The following CFAP36 variants were observed in gnomAD, a reference collection of about 807,000 sequenced individuals.
CFAP36 encodes cilia- and flagella-associated protein 36.
In CFAP36, 37 loss-of-function variants were observed where a neutral mutation model predicts 50.5. That is an observed-to-expected ratio of 0.73 (90% confidence interval 0.56 to 0.96). The LOEUF is 0.96. CFAP36 is among the 50% of genes least tolerant of loss of function. The pLI, the probability that CFAP36 is intolerant of heterozygous loss-of-function variation, is 0.00. For missense variants in CFAP36, 407 were observed against 396.2 expected (o/e 1.03, Z -0.23); for synonymous variants, 138 against 128.2 (o/e 1.08, Z -0.52).
Position 55,537,517 on chromosome 2 carries a change from A to G in CFAP36, c.572A>G (p.His191Arg). 6.2e-7 allele frequency: 1 copy of G among 1,613,714 alleles called. No individual in the cohort carries two copies. Among genetic ancestry groups the G allele is most frequent in the Non-Finnish European group, 8.5e-7 (1 of 1,179,854 alleles). Residue 191 changes from histidine (H) to arginine (R), a missense_variant, in exon 7 of 10, where the codon CAT becomes CGT. His to Arg is a conservative substitution (Grantham distance 29, BLOSUM62 0). Transcript: ENST00000349456. ...SEAKTEEPTV[H>R]SSEAAIMNNS... ...GCTAAAACAGAAGAGCCCACAGTGC[A>G]TTCCAGTGAAGCTGCAATAATGAAT...
intron 4 of CFAP36, 39 bp from the exon 5 acceptor site, chr2:55,533,834 G>C (rs901893488): frequency 1.6e-6 from 2 of 1,227,064 alleles, no homozygotes; most frequent in Non-Finnish European, 2.3e-6. Flanking sequence ...GTTTTTAATG[G>C]AGTTGATACT....
Position 55,528,936 on chromosome 2 carries a change from T to C in CFAP36, c.341T>C (p.Val114Ala), listed in dbSNP as rs1255588144. ...TTTACTATCTTTAAAGCAATGATGG[T>C]CCAGAAAAACATTGAAATGCAGCTG... ...EDFTIFKAMMVQKNIEMQLQA... is the reference protein window; with the variant it reads ...EDFTIFKAMMAQKNIEMQLQA... Residue 114 changes from valine to alanine, a missense_variant, in exon 4 of 10, where the codon GTC (valine) becomes GCC (alanine). Transcript: ENST00000349456. 1.2e-6 allele frequency: 2 copies of C among 1,612,160 alleles called. No homozygotes were observed. Among genetic ancestry groups the C allele is most frequent in the South Asian group, 2.2e-5 (2 of 90,504 alleles).
intron 7 of CFAP36, among the ~76,000 whole-genome samples, chr2:55,538,013 A>C (rs1474773099): frequency 6.6e-6 from 1 of 152,202 alleles, no homozygotes; most frequent in Non-Finnish European, 1.5e-5. Context: ...AGAGGTAGCC[A>C]TTTTGTCCAG....
chr2:55,544,281 G>C lies in CFAP36; in HGVS notation c.839G>C (p.Arg280Thr). 2.5e-6 allele frequency: 4 copies of C among 1,613,962 alleles called. No homozygotes were observed. The highest frequency in any genetic ancestry group is 3.4e-6 in the Non-Finnish European group (4 of 1,179,950). ...RQREHYLKQK[R>T]DKLMSMRKDM... ...CGAGAACACTATCTCAAGCAGAAGA[G>C]AGATAAGTTGATGTCCATGAGAAAG... Residue 280 changes from arginine (R) to threonine (T), a missense_variant, in exon 9 of 10, where the codon AGA (arginine) becomes ACA (threonine). Physicochemically the swap from Arg to Thr is moderately conservative, Grantham distance 71. Transcript: ENST00000349456.
chr2:55,536,941 C>A (rs1353337508), intron 6 of CFAP36, among the ~76,000 whole-genome samples: 3 of 152,054 alleles, frequency 2.0e-5, no homozygotes, highest in Non-Finnish European at 2.9e-5. Context: ...CAGGGTTTCA[C>A]CATGTTGGCC....
chr2:55,521,070 G>T (rs1684049355), intron 1 of CFAP36, among the ~76,000 whole-genome samples: 1 of 152,098 alleles, frequency 6.6e-6, no homozygotes, highest in African/African-American at 2.4e-5. Flanking sequence ...ATGAAATTCA[G>T]TTTGACCACT....
At chr2:55,529,868 G>A (rs141284103) in intron 4 of CFAP36, among the ~76,000 whole-genome samples, 46 of 152,078 alleles carry the variant, frequency 3.0e-4, no homozygotes, top group Admixed American at 8.5e-4. Context: ...GGATGGTCTC[G>A]ATCTCCTGAC....
At chr2:55,541,312 G>A (rs1447990430) in intron 7 of CFAP36, among the ~76,000 whole-genome samples, 6 of 152,130 alleles carry the variant, frequency 3.9e-5, no homozygotes, top group African/African-American at 1.2e-4. Flanking sequence ...CAACAAGAGC[G>A]AAACTTCATC....
intron 5 of CFAP36, among the ~76,000 whole-genome samples, chr2:55,535,423 G>A (rs1407788792): frequency 6.6e-6 from 1 of 152,164 alleles, no homozygotes; most frequent in East Asian, 1.9e-4. Context: ...TTCAAATTTG[G>A]GTTCAGGATT....
intron 4 of CFAP36, among the ~76,000 whole-genome samples, 193 bp downstream of exon 4, chr2:55,529,185 G>C (rs754439725): frequency 6.6e-6 from 1 of 152,112 alleles, no homozygotes; most frequent in Non-Finnish European, 1.5e-5. Flanking sequence ...ACTTTGGGAG[G>C]CTGAGGCGGG....
chr2:55,544,700 T>C (rs1283183593), intron 9 of CFAP36, among the ~76,000 whole-genome samples: 3 of 152,134 alleles, frequency 2.0e-5, no homozygotes, highest in South Asian at 2.1e-4. Context: ...ACCTTTATCA[T>C]AGAGCACATC....
intron 7 of CFAP36, among the ~76,000 whole-genome samples, chr2:55,540,679 G>A (rs978649831): frequency 1.3e-5 from 2 of 152,146 alleles, no homozygotes; most frequent in African/African-American, 4.8e-5. Flanking sequence ...ATCATGTTGG[G>A]AAGAACTGAC....
intron 3 of CFAP36, among the ~76,000 whole-genome samples, chr2:55,524,718 A>G (rs949196523): frequency 6.6e-5 from 10 of 152,262 alleles, no homozygotes; most frequent in African/African-American, 2.4e-4. Context: ...GTAGTGGCTC[A>G]CGCCTGTAAT....
chr2:55,544,623 G>A (rs1684725106), intron 9 of CFAP36, among the ~76,000 whole-genome samples: 1 of 152,130 alleles, frequency 6.6e-6, no homozygotes, highest in African/African-American at 2.4e-5. Context: ...CTCTGAGTAT[G>A]TCAGGGTTGG....
intron 7 of CFAP36, chr2:55,538,653 G>T (rs1372017050): frequency 1.3e-6 from 1 of 787,190 alleles, no homozygotes; most frequent in Non-Finnish European, 2.0e-6. Flanking sequence ...TGTTGCCCAG[G>T]CTGGGTCTCA....
intron 4 of CFAP36, among the ~76,000 whole-genome samples, chr2:55,532,857 AATT>A (rs1161145453): frequency 6.6e-6 from 1 of 152,278 alleles, no homozygotes; most frequent in African/African-American, 2.4e-5. Context: ...CAAACAGAAC[AATT>A]ATTACCAGTC....
chr2:55,520,871 A>C (rs563628865), intron 1 of CFAP36, among the ~76,000 whole-genome samples: 10 of 152,310 alleles, frequency 6.6e-5, no homozygotes, highest in African/African-American at 2.2e-4. Flanking sequence ...TTCATGATAG[A>C]ATGTATCCAA....
At chr2:55,538,962 A>G in intron 7 of CFAP36, 3 of 1,394,498 alleles carry the variant, frequency 2.2e-6, no homozygotes, top group Non-Finnish European at 2.8e-6. Flanking sequence ...TAATATGCCT[A>G]ATTTAAGCTG....
At chr2:55,544,184 T>A in intron 8 of CFAP36, 36 bp from the exon 9 acceptor site, 1 of 1,608,382 alleles carries the variant, frequency 6.2e-7, no homozygotes, top group African/African-American at 1.3e-5. Flanking sequence ...CTAAATGGAT[T>A]TGAATTTAGA....
Sources: gnomAD v4.1 joint callset for allele counts (sites outside exome capture counted in the v4.1 genomes callset) on GRCh38, gnomAD v4.1.1 for gene constraint, MANE v1.5 for transcripts, NCBI Gene and HGNC (gene_info 2026-07-23, HGNC 2026-07-21) for gene names.